The following TENM4 variants were observed in gnomAD, a reference collection of about 807,000 sequenced individuals.
TENM4 encodes the protein teneurin transmembrane protein 4.
A neutral mutation model predicts 243.3 loss-of-function variants in TENM4; 82 were observed. The ratio of observed to expected loss-of-function variants is 0.34; its 90% confidence interval spans 0.28 to 0.40. The LOEUF (loss-of-function observed/expected upper bound fraction) is 0.40. TENM4 is among the 10% of genes least tolerant of loss of function. The pLI is 1.00. For synonymous variants in TENM4, 1,412 were observed against 1,456.3 expected (o/e 0.97, Z 0.69); for missense variants, 3,138 against 3,673.3 (o/e 0.85, Z 3.77).
chr11:78,995,470 T>G (rs1858148497), intron 6 of TENM4, among the ~76,000 whole-genome samples: 1 of 152,110 alleles, frequency 6.6e-6, no homozygotes, highest in South Asian at 2.1e-4. Flanking sequence ...TAGAAGTCAA[T>G]TACCTTCTAC....
chr11:78,729,132 C>A (rs894249350), intron 22 of TENM4, among the ~76,000 whole-genome samples: 5 of 152,180 alleles, frequency 3.3e-5, no homozygotes, highest in African/African-American at 9.7e-5. Flanking sequence ...CCTCACAAGC[C>A]AGCACAGCAC....
intron 29 of TENM4, among the ~76,000 whole-genome samples, chr11:78,686,818 C>T (rs1409155531): frequency 6.6e-6 from 1 of 152,130 alleles, no homozygotes; most frequent in Non-Finnish European, 1.5e-5. Context: ...GGAATTCCAG[C>T]GTGTGGTTTC....
chr11:79,386,951 A>C (rs1858127741), intron 1 of TENM4, among the ~76,000 whole-genome samples: 1 of 152,180 alleles, frequency 6.6e-6, no homozygotes, highest in African/African-American at 2.4e-5. Flanking sequence ...ATGCATAAGA[A>C]TGTTCACCGA....
Position 78,746,615 on chromosome 11 carries a change from C to T in TENM4, c.2757-8045G>A, listed in dbSNP as rs148547124. ...CATACTATGCTTCCAGGGAACTGAG[C>T]CCATCGACTATGGTGAGGGAGAAGC... On this transcript the variant is annotated intron_variant, in intron 19 of 33. Coordinates refer to ENST00000278550, the MANE Select transcript of TENM4 (RefSeq NM_001098816.3). Among the ~76,000 whole-genome samples the T allele has an allele frequency of 2.6e-3, 390 of 152,320 alleles. 1 individual carries two copies. The highest frequency in any genetic ancestry group is 0.017 in the Middle Eastern group (5 of 294).
At chr11:79,013,045 A>C (rs1858686734) in intron 6 of TENM4, among the ~76,000 whole-genome samples, 1 of 152,242 alleles carries the variant, frequency 6.6e-6, no homozygotes, top group South Asian at 2.1e-4. Flanking sequence ...ATACACGAAC[A>C]AGATTTATGC....
chr11:78,931,299 C>T (rs1856664258), intron 6 of TENM4, among the ~76,000 whole-genome samples: 1 of 152,162 alleles, frequency 6.6e-6, no homozygotes, highest in Non-Finnish European at 1.5e-5. Context: ...CGTCTGAGTC[C>T]TAACAGCAGG....
chr11:79,315,379 T>G (rs1348698378), intron 1 of TENM4, among the ~76,000 whole-genome samples: 1 of 152,204 alleles, frequency 6.6e-6, no homozygotes, highest in African/African-American at 2.4e-5. Flanking sequence ...AAGGGCATTC[T>G]GCAACATCAC....
chr11:79,196,040 T>C (rs1189142905), intron 3 of TENM4, among the ~76,000 whole-genome samples: 1 of 152,158 alleles, frequency 6.6e-6, no homozygotes, highest in African/African-American at 2.4e-5. Context: ...ATCAGGGGTT[T>C]CCATTTTTGC....
intron 3 of TENM4, 128 bp downstream of exon 3, chr11:79,215,680 A>G (rs114151730): frequency 1.2e-6 from 1 of 836,952 alleles, no homozygotes; most frequent in Non-Finnish European, 1.4e-6. Context: ...TCTACTTTCT[A>G]TGCTGCCAAG....
intron 19 of TENM4, chr11:78,756,367 A>G (rs1856305782): frequency 5.4e-6 from 1 of 185,996 alleles, no homozygotes; most frequent in Admixed American, 5.5e-5. Flanking sequence ...AAACAGGGAG[A>G]TTGTATGGGT....
chr11:78,979,435 T>G (rs56976338), intron 6 of TENM4, among the ~76,000 whole-genome samples: 29,010 of 152,152 alleles, frequency 0.19, 5,474 homozygotes, highest in African/African-American at 0.49. Context: ...TGGGGCTCAG[T>G]GGCCCCTTGC....
At chr11:78,750,086 CTGGAAAGTTA>C (rs1453733727) in intron 19 of TENM4, among the ~76,000 whole-genome samples, 2 of 152,142 alleles carry the variant, frequency 1.3e-5, no homozygotes, top group Non-Finnish European at 2.9e-5. Flanking sequence ...TCTGATTGTC[CTGGAAAGTTA>C]TGCTGTTGCT....
At chr11:78,867,596 G>A (rs746379865) in intron 9 of TENM4, among the ~76,000 whole-genome samples, 4 of 152,120 alleles carry the variant, frequency 2.6e-5, no homozygotes, top group South Asian at 4.1e-4. Context: ...ACATATGATC[G>A]AGTGGCCTCT....
At chr11:78,927,648 T>C (rs1168043943) in intron 6 of TENM4, among the ~76,000 whole-genome samples, 2 of 152,146 alleles carry the variant, frequency 1.3e-5, no homozygotes, top group Non-Finnish European at 2.9e-5. Flanking sequence ...CAGACACACA[T>C]GAATGACACT....
chr11:79,140,981 T>C (rs1303980798), intron 4 of TENM4, among the ~76,000 whole-genome samples: 1 of 152,002 alleles, frequency 6.6e-6, no homozygotes, highest in African/African-American at 2.4e-5. Flanking sequence ...ATCTTTCCCC[T>C]TGGACCAAAA....
intron 1 of TENM4, among the ~76,000 whole-genome samples, chr11:79,368,078 G>T (rs1243564160): frequency 6.6e-6 from 1 of 152,042 alleles, no homozygotes; most frequent in Non-Finnish European, 1.5e-5. Context: ...TGGGGATTCG[G>T]GGCAGGAAGG....
chr11:79,075,917 G>A (rs988883770), intron 4 of TENM4, among the ~76,000 whole-genome samples: 2 of 152,244 alleles, frequency 1.3e-5, no homozygotes, highest in Non-Finnish European at 2.9e-5. Context: ...TTCCAGAGAG[G>A]AGCGGGTCAC....
chr11:78,668,889 TAAGAGC>T, intron 32 of TENM4, 42 bp downstream of exon 32: 1 of 1,532,960 alleles, frequency 6.5e-7, no homozygotes, highest in Non-Finnish European at 8.7e-7. Context: ...TGTTAGGTAG[TAAGAGC>T]ACTTTATGGG....
At chr11:79,244,367 G>A (rs189220697) in intron 2 of TENM4, among the ~76,000 whole-genome samples, 13 of 152,294 alleles carry the variant, frequency 8.5e-5, no homozygotes, top group Admixed American at 4.6e-4. Context: ...GGGTCTGGAA[G>A]TGGGATTGTT....
Sources: allele counts gnomAD v4.1 joint callset (sites outside exome capture counted in the v4.1 genomes callset), GRCh38; gene constraint gnomAD v4.1.1; transcripts MANE v1.5; gene names NCBI Gene and HGNC (gene_info 2026-07-23, HGNC 2026-07-21).